The following ADARB2 variants were observed in gnomAD, a reference collection of about 807,000 sequenced individuals.
ADARB2 encodes the protein inactive double-stranded RNA-specific editase B2.
ADARB2 carries 25 observed loss-of-function variants against 62.2 expected under a neutral mutation model. The ratio of observed to expected loss-of-function variants is 0.40; its 90% CI spans 0.29 to 0.56. The LOEUF (loss-of-function observed/expected upper bound fraction) is 0.56. Among genes scored for constraint, ADARB2 ranks in the 20% least tolerant of loss-of-function variants. The probability of loss-of-function intolerance (pLI) is 0.43; values close to 1 mark genes in which losing one functional copy is unlikely to be tolerated. For missense variants in ADARB2, 1,071 were observed against 1,077.4 expected (o/e 0.99, Z 0.08); for synonymous variants, 572 against 500.8 (o/e 1.14, Z -1.90).
At chr10:1,337,106 C>G (rs1831981837) in intron 3 of ADARB2, among the ~76,000 whole-genome samples, 1 of 137,922 alleles carries the variant, frequency 7.3e-6, no homozygotes. Context: ...TAGATATAAC[C>G]AAGAATGAAC....
At chr10:1,219,994 GTGATGA>G (rs531214796) in intron 6 of ADARB2, among the ~76,000 whole-genome samples, 1 of 142,894 alleles carries the variant, frequency 7.0e-6, no homozygotes, top group African/African-American at 2.6e-5. Flanking sequence ...GGTGATGATG[GTGATGA>G]TGATGGTAAT....
chr10:1,478,365 G>A (rs1246632527), intron 1 of ADARB2, among the ~76,000 whole-genome samples: 1 of 152,018 alleles, frequency 6.6e-6, no homozygotes, highest in East Asian at 1.9e-4. Context: ...TATAAGTAGA[G>A]TCATGAGAAT....
chr10:1,532,771 C>T (rs890688774), intron 1 of ADARB2, among the ~76,000 whole-genome samples: 5 of 152,196 alleles, frequency 3.3e-5, no homozygotes, highest in Non-Finnish European at 1.5e-5. Context: ...GTCAATCGCA[C>T]CTTCACTCTG....
intron 7 of ADARB2, chr10:1,216,105 T>G (rs993714303): frequency 6.6e-6 from 1 of 150,524 alleles, no homozygotes; most frequent in African/African-American, 2.5e-5. Flanking sequence ...CGGAGAGGTC[T>G]TGGGACATTA....
At position 1,460,423 on chromosome 10, in the gene ADARB2, A is replaced by G. The variant is rs113101934; in HGVS notation, c.101-81263T>C. ...TGTGACCTGAATTTACCTGCGTAAC[A>G]AACCTGCCTGTGACCTGAGTTTACC... On this transcript the variant is annotated intron_variant, in intron 1 of 9. Coordinates refer to ENST00000381312, the MANE Select transcript of ADARB2 (RefSeq NM_018702.4). 4.1e-3 allele frequency among the ~76,000 whole-genome samples: 286 copies of G among 70,398 alleles called. 13 individuals are homozygous for G. Among genetic ancestry groups the G allele is most frequent in the African/African-American group, 0.013 (156 of 12,010 alleles). The allele number at this position is 70,398 out of a possible 152,430, so 46.2% of individuals were successfully genotyped here.
intron 3 of ADARB2, among the ~76,000 whole-genome samples, chr10:1,278,039 G>A (rs534334142): frequency 2.0e-5 from 3 of 151,908 alleles, no homozygotes; most frequent in African/African-American, 7.2e-5. Flanking sequence ...GCATGATCTC[G>A]GCTCACTGCA....
At chr10:1,304,048 C>A (rs1033716903) in intron 3 of ADARB2, among the ~76,000 whole-genome samples, 1 of 149,690 alleles carries the variant, frequency 6.7e-6, no homozygotes, top group Non-Finnish European at 1.5e-5. Flanking sequence ...TGTAAATGGA[C>A]TAAATGCTCC....
At chr10:1,361,095 G>T (rs1290506871) in intron 3 of ADARB2, 1 of 152,270 alleles carries the variant, frequency 6.6e-6, no homozygotes, top group Non-Finnish European at 1.5e-5. Flanking sequence ...GGGTGGTGGG[G>T]CTTCTCAGAG....
At chr10:1,501,806 CT>C (rs572918181) in intron 1 of ADARB2, among the ~76,000 whole-genome samples, 219 of 152,232 alleles carry the variant, frequency 1.4e-3, no homozygotes, top group Admixed American at 3.2e-3. Context: ...AAACAGAATT[CT>C]TTTTTTATTC....
intron 1 of ADARB2, among the ~76,000 whole-genome samples, chr10:1,461,721 CA>C (rs1290083954): frequency 2.0e-5 from 3 of 151,690 alleles, no homozygotes; most frequent in African/African-American, 7.3e-5. Context: ...GTTTTTAGGC[CA>C]GGTGCAGTGG....
intron 1 of ADARB2, among the ~76,000 whole-genome samples, chr10:1,666,486 G>A (rs1221615669): frequency 1.3e-5 from 2 of 152,364 alleles, no homozygotes; most frequent in Non-Finnish European, 2.9e-5. Flanking sequence ...GTTCCCGCAG[G>A]AAAGCTGCCC....
intron 1 of ADARB2, among the ~76,000 whole-genome samples, chr10:1,416,707 T>C (rs1389393409): frequency 6.6e-6 from 1 of 152,262 alleles, no homozygotes. Context: ...TCTGGGATGA[T>C]GGCAGTCAAC....
At position 1,195,393 on chromosome 10, in the gene ADARB2, T is replaced by G. The variant is rs981401149; in HGVS notation, c.1864+4573A>C. Among the ~76,000 whole-genome samples the G allele has an allele frequency of 3.9e-4, 51 of 131,244 alleles. 1 individual carries two copies. The highest frequency in any genetic ancestry group is 1.5e-3 in the African/African-American group (41 of 27,096). 86.1% of individuals were successfully genotyped at this position (131,244 alleles called of 152,430 possible). A position where few individuals can be genotyped will look rare whatever the true frequency, so the allele number is the denominator to read the frequency against. ...TATCTGTCAATGCTGTACACAGTTT[T>G]TTTTTTGTTTTTTTTTTTTTTAAGA... is the stretch of plus-strand genomic sequence containing the variant. On this transcript the variant is annotated intron_variant, in intron 8 of 9. Coordinates refer to ENST00000381312, the MANE Select transcript of ADARB2 (RefSeq NM_018702.4).
intron 1 of ADARB2, among the ~76,000 whole-genome samples, chr10:1,663,487 C>T (rs1300427095): frequency 6.6e-6 from 1 of 152,300 alleles, no homozygotes; most frequent in Middle Eastern, 3.4e-3. Flanking sequence ...TTTTTACTGT[C>T]CGCGTAGTTT....
intron 8 of ADARB2, among the ~76,000 whole-genome samples, chr10:1,186,275 T>C (rs1836757404): frequency 6.6e-6 from 1 of 152,134 alleles, no homozygotes. Context: ...ATGGTGGACG[T>C]GGCCCTCAGA....
At chr10:1,319,684 T>C (rs558985265) in intron 3 of ADARB2, among the ~76,000 whole-genome samples, 11 of 151,922 alleles carry the variant, frequency 7.2e-5, no homozygotes, top group East Asian at 3.9e-4. Flanking sequence ...GACTATGCAA[T>C]GCATGTTTCC....
intron 3 of ADARB2, among the ~76,000 whole-genome samples, chr10:1,310,774 G>C (rs1831682816): frequency 6.6e-6 from 1 of 152,200 alleles, no homozygotes; most frequent in Admixed American, 6.5e-5. Context: ...GTTTCACTCT[G>C]ACTCTCGTTT....
At chr10:1,576,346 C>A (rs1833021265) in intron 1 of ADARB2, among the ~76,000 whole-genome samples, 1 of 145,804 alleles carries the variant, frequency 6.9e-6, no homozygotes, top group African/African-American at 2.6e-5. Context: ...GGATGGGTCT[C>A]AGGGTCACAG....
intron 1 of ADARB2, among the ~76,000 whole-genome samples, chr10:1,486,013 C>A (rs1445322208): frequency 6.6e-6 from 1 of 152,194 alleles, no homozygotes; most frequent in Non-Finnish European, 1.5e-5. Context: ...CTGGCAGAAG[C>A]TCTGAGGTGC....
Sources: allele counts gnomAD v4.1 joint callset (sites outside exome capture counted in the v4.1 genomes callset), GRCh38; gene constraint gnomAD v4.1.1; transcripts MANE v1.5; gene names NCBI Gene and HGNC (gene_info 2026-07-23, HGNC 2026-07-21).